PPP6R3: variants seen among roughly 807,000 people sequenced by gnomAD.
PPP6R3 encodes the protein protein phosphatase 6 regulatory subunit 3, also known as serine/threonine-protein phosphatase 6 regulatory subunit 3.
In PPP6R3, 38 loss-of-function variants were observed where a neutral mutation model predicts 110.7. The observed-to-expected ratio is 0.34, with a 90% CI of 0.26 to 0.45. The LOEUF (loss-of-function observed/expected upper bound fraction) is 0.45. PPP6R3 is among the 20% of genes least tolerant of loss of function. PPP6R3 has a pLI of 1.00. For synonymous variants in PPP6R3, 369 were observed against 373.5 expected, an observed-to-expected ratio of 0.99 and a Z score of 0.14; for missense variants, 870 against 1,062.4, an observed-to-expected ratio of 0.82 and a Z score of 2.52.
intron 14 of PPP6R3, among the ~76,000 whole-genome samples, chr11:68,576,275 T>G (rs1481543461): frequency 6.6e-6 from 1 of 152,216 alleles, no homozygotes; most frequent in Non-Finnish European, 1.5e-5. Context: ...GTCACTGATT[T>G]CTGCTCCACA....
At chr11:68,601,809 G>A in intron 20 of PPP6R3, 54 bp from the exon 21 acceptor site, 1 of 1,406,472 alleles carries the variant, frequency 7.1e-7, no homozygotes, top group South Asian at 1.2e-5. Context: ...GAATCTTGGG[G>A]TAACTGAGGA....
intron 1 of PPP6R3, among the ~76,000 whole-genome samples, chr11:68,517,567 A>G (rs961653856): frequency 1.3e-5 from 2 of 152,222 alleles, no homozygotes; most frequent in African/African-American, 2.4e-5. Flanking sequence ...CTTGAGAACT[A>G]TGAAAAGCAC....
At chr11:68,580,244 G>A (rs376083344) in intron 14 of PPP6R3, among the ~76,000 whole-genome samples, 31 of 152,290 alleles carry the variant, frequency 2.0e-4, no homozygotes, top group African/African-American at 7.0e-4. Flanking sequence ...CCAGAAAGGC[G>A]CCAAACAGCC....
intron 1 of PPP6R3, among the ~76,000 whole-genome samples, chr11:68,489,591 A>C (rs12294029): frequency 0.26 from 38,182 of 148,198 alleles, 5,098 homozygotes; most frequent in Middle Eastern, 0.33. Flanking sequence ...TTAATGAACA[A>C]ATTGAAGGTT....
At chr11:68,607,240 T>C (rs529531591) in intron 22 of PPP6R3, among the ~76,000 whole-genome samples, 11 of 152,328 alleles carry the variant, frequency 7.2e-5, no homozygotes, top group Admixed American at 2.0e-4. Context: ...AAAAGGGACT[T>C]GCCCTGCCAG....
rs193099424 is a variant in PPP6R3 at position 68,509,237 on chromosome 11, C to G, written c.-157-10264C>G. Among the ~76,000 whole-genome samples, 5 of 152,344 alleles carry G rather than the reference C, an allele frequency of 3.3e-5. No homozygotes were observed. In the East Asian group the frequency reaches 9.6e-4, roughly 29 times the overall value. On this transcript the variant is annotated intron_variant, in intron 1 of 23. Transcript: ENST00000393800. Reference sequence around the variant, plus strand: ...CCTTTCATCATCCTTATGGATTCCACCCTCATCTGTTTGTGTTTAACTTTC... The same window carrying G: ...CCTTTCATCATCCTTATGGATTCCAGCCTCATCTGTTTGTGTTTAACTTTC...
intron 3 of PPP6R3, among the ~76,000 whole-genome samples, chr11:68,539,289 C>G (rs939965107): frequency 6.6e-6 from 1 of 152,182 alleles, no homozygotes; most frequent in Non-Finnish European, 1.5e-5. Flanking sequence ...CTTCTTGGGT[C>G]TGTTTCCTCA....
intron 1 of PPP6R3, among the ~76,000 whole-genome samples, chr11:68,498,584 CT>C (rs1198145887): frequency 1.3e-5 from 2 of 152,124 alleles, no homozygotes; most frequent in African/African-American, 2.4e-5. Context: ...AGTTTTGTTT[CT>C]ATTAAATAGA....
rs538013931 is a variant in PPP6R3, at chr11:68,599,735, A to C, written c.2039-606A>C. Among the ~76,000 whole-genome samples, 4 of 152,372 alleles carry C rather than the reference A, an allele frequency of 2.6e-5. No individual in the cohort carries two copies. In the South Asian group the frequency reaches 8.3e-4, roughly 32 times the overall value. Reference sequence around the variant, plus strand: ...CCCCAAGTATGAATACAGCCATGGTACATTTGTCAAAACTAAGAAATTAAC... The same window carrying C: ...CCCCAAGTATGAATACAGCCATGGTCCATTTGTCAAAACTAAGAAATTAAC... On this transcript the variant is annotated intron_variant, in intron 19 of 23. Transcript: ENST00000393800.
At chr11:68,609,372 G>A (rs1162768121) in intron 22 of PPP6R3, 3 of 678,946 alleles carry the variant, frequency 4.4e-6, no homozygotes, top group Non-Finnish European at 8.0e-6. Context: ...TGTGACTGAG[G>A]CTTCCAGCCA....
At chr11:68,602,100 G>A in intron 21 of PPP6R3, 131 bp downstream of exon 21, 1 of 641,814 alleles carries the variant, frequency 1.6e-6, no homozygotes, top group Non-Finnish European at 2.6e-6. Context: ...CAGGGCAGCT[G>A]ATGAAAGAAA....
chr11:68,513,114 G>T (rs976886865), intron 1 of PPP6R3, among the ~76,000 whole-genome samples: 1 of 152,064 alleles, frequency 6.6e-6, no homozygotes, highest in Admixed American at 6.5e-5. Context: ...GACCACTGGC[G>T]TCCCTGGTTC....
rs1446322332 is a variant in PPP6R3, at chr11:68,488,489, A to G, written c.-158+27662A>G. 2.6e-5 allele frequency: 4 copies of G among 151,956 alleles called. No individual in the cohort carries two copies. The East Asian group carries it at 5.8e-4, about 22-fold the overall frequency. 9.4% of individuals were successfully genotyped at this position (151,956 alleles called of 1,614,324 possible). A position where few individuals can be genotyped will look rare whatever the true frequency, so the allele number is the denominator to read the frequency against. On this transcript the variant is annotated intron_variant, in intron 1 of 23. Transcript: ENST00000393800. ...CCCCCCATTCCTTTACTTTTGATCT[A>G]CGTGTGTCTTTATATTTAAAGTGGC...
At chr11:68,534,837 G>A (rs952228498) in intron 2 of PPP6R3, among the ~76,000 whole-genome samples, 1 of 152,204 alleles carries the variant, frequency 6.6e-6, no homozygotes, top group African/African-American at 2.4e-5. Context: ...AGCATGGTGG[G>A]TGGCACTGGC....
rs1489127168 is a variant in PPP6R3, at chr11:68,609,435, G to T, written c.2451-469G>T. 6.3e-6 allele frequency: 5 copies of T among 789,520 alleles called. No homozygotes were observed. The African/African-American group carries it at 8.5e-5, about 13-fold the overall frequency. The allele number at this position is 789,520 out of a possible 1,614,324, so 48.9% of individuals were successfully genotyped here. A position where few individuals can be genotyped will look rare whatever the true frequency, so the allele number is the denominator to read the frequency against. On this transcript the variant is annotated intron_variant, in intron 22 of 23. Coordinates refer to ENST00000393800, the MANE Select transcript of PPP6R3 (RefSeq NM_001164161.2). ...TTTAATGGTGGGCTTGGCCCCAAAA[G>T]CAAAGTGCTTTAACTAAAGACTCAT...
chr11:68,477,547 A>G (rs2098841094), intron 1 of PPP6R3, among the ~76,000 whole-genome samples: 1 of 151,500 alleles, frequency 6.6e-6, no homozygotes, highest in Admixed American at 6.6e-5. Flanking sequence ...CAACATAGGG[A>G]GACCCCATCT....
Position 68,614,878 on chromosome 11 carries a change from T to G in PPP6R3, c.*1761T>G. On this transcript the variant is annotated 3_prime_UTR_variant, in exon 24 of 24. Coordinates refer to ENST00000393800, the MANE Select transcript of PPP6R3 (RefSeq NM_001164161.2). ...TTGGACCTCGGGGATTACTGGTAGA[T>G]AATATGCTCTGGTCTCGCCTGGTGG... 2.2e-6 allele frequency: 2 copies of G among 894,318 alleles called. No homozygotes were observed. The highest frequency in any genetic ancestry group is 3.5e-6 in the Non-Finnish European group (2 of 568,728). The allele number at this position is 894,318 out of a possible 1,614,324, so 55.4% of individuals were successfully genotyped here.
chr11:68,574,297 C>G (rs1428035724), intron 13 of PPP6R3, 73 bp downstream of exon 13: 1 of 1,177,008 alleles, frequency 8.5e-7, no homozygotes, highest in Non-Finnish European at 1.2e-6. Flanking sequence ...AGTAGAAATG[C>G]ATGTAGCATT....
intron 15 of PPP6R3, chr11:68,586,214 TG>T (rs1185626861): frequency 3.9e-5 from 6 of 152,244 alleles, no homozygotes; most frequent in Non-Finnish European, 8.8e-5. Context: ...TGGTTCATGC[TG>T]CTTACTCAAC....
Sources: gnomAD v4.1 joint callset for allele counts (sites outside exome capture counted in the v4.1 genomes callset) on GRCh38, gnomAD v4.1.1 for gene constraint, MANE v1.5 for transcripts, NCBI Gene and HGNC (gene_info 2026-07-23, HGNC 2026-07-21) for gene names.